Variants in RAB1A observed in about 807,000 individuals in gnomAD.
RAB1A encodes RAB1A, member RAS oncogene family.
In RAB1A, 2 loss-of-function variants were observed where a neutral mutation model predicts 26.0. That is an observed-to-expected ratio of 0.08 (90% CI 0.03 to 0.24). The LOEUF is 0.24. Among genes scored for constraint, RAB1A ranks in the 10% least tolerant of loss-of-function variants. The pLI, the probability that RAB1A is intolerant of heterozygous loss-of-function variation, is 1.00. For missense variants in RAB1A, 100 were observed against 247.0 expected (o/e 0.40, Z 3.99); for synonymous variants, 84 against 84.9 (o/e 0.99, Z 0.06).
intron 2 of RAB1A, among the ~76,000 whole-genome samples, chr2:65,104,252 A>G (rs1202601805): frequency 6.6e-6 from 1 of 151,976 alleles, no homozygotes; most frequent in Admixed American, 6.6e-5. Flanking sequence ...TCAGAGACAG[A>G]GTCATGCTAT....
At chr2:65,109,481 A>G (rs1669644646) in intron 1 of RAB1A, among the ~76,000 whole-genome samples, 1 of 152,056 alleles carries the variant, frequency 6.6e-6, no homozygotes, top group Non-Finnish European at 1.5e-5. Flanking sequence ...AGGTGGGTGG[A>G]TTACCTGAGG....
intron 3 of RAB1A, among the ~76,000 whole-genome samples, chr2:65,093,596 A>C (rs866958033): frequency 2.6e-5 from 4 of 152,052 alleles, no homozygotes; most frequent in African/African-American, 9.7e-5. Flanking sequence ...AGGAAATGAT[A>C]GGATTAAAAG....
At chr2:65,118,267 G>A (rs985957518) in intron 1 of RAB1A, among the ~76,000 whole-genome samples, 18 of 152,032 alleles carry the variant, frequency 1.2e-4, no homozygotes, top group African/African-American at 4.3e-4. Context: ...GCACTATTTT[G>A]CCATGCTATT....
chr2:65,113,091 T>A (rs1364612463), intron 1 of RAB1A, among the ~76,000 whole-genome samples: 3 of 152,064 alleles, frequency 2.0e-5, no homozygotes, highest in Admixed American at 2.0e-4. Flanking sequence ...ATATGTGGAT[T>A]TTTGCTAACA....
At chr2:65,110,794 G>A (rs1011120782) in intron 1 of RAB1A, among the ~76,000 whole-genome samples, 16 of 151,842 alleles carry the variant, frequency 1.1e-4, no homozygotes, top group African/African-American at 3.9e-4. Flanking sequence ...TAATTAGCTG[G>A]GTGTGGTGGT....
At chr2:65,102,431 A>G (rs182888101) in intron 2 of RAB1A, among the ~76,000 whole-genome samples, 19 of 152,204 alleles carry the variant, frequency 1.2e-4, no homozygotes, top group African/African-American at 3.6e-4. Context: ...CAGAAAAGTC[A>G]TATGTATTTA....
chr2:65,106,634 G>A, intron 1 of RAB1A, among the ~76,000 whole-genome samples: 2 of 39,778 alleles, frequency 5.0e-5, no homozygotes, highest in South Asian at 7.3e-4. Context: ...CAGCAAAATA[G>A]AAGTCAGAGA....
Position 65,100,751 on chromosome 2 carries a change from T to TC in RAB1A, c.97-2686dup, listed in dbSNP as rs1669405471. Among the ~76,000 whole-genome samples the TC allele has an allele frequency of 3.4e-5, 4 of 118,406 alleles. No individual in the cohort carries two copies. In the South Asian group the frequency reaches 1.1e-3, roughly 33 times the overall value. 77.7% of individuals were successfully genotyped at this position (118,406 alleles called of 152,430 possible). On this transcript the variant is annotated intron_variant, in intron 2 of 5. Transcript: ENST00000409784. ...TCCAGCCTGGGCGACAGAGCGAGACTCCATCTCAAACCAAAAAAAAAAAAA... is the reference window on the plus strand; with the variant it reads ...TCCAGCCTGGGCGACAGAGCGAGACTCCCATCTCAAACCAAAAAAAAAAAAA...
At chr2:65,109,200 T>G (rs1353524064) in intron 1 of RAB1A, among the ~76,000 whole-genome samples, 1 of 152,158 alleles carries the variant, frequency 6.6e-6, no homozygotes, top group African/African-American at 2.4e-5. Flanking sequence ...CACCACACAG[T>G]AAAAATGTTG....
chr2:65,123,063 T>C (rs1389253515), intron 1 of RAB1A, among the ~76,000 whole-genome samples: 1 of 131,456 alleles, frequency 7.6e-6, no homozygotes, highest in Non-Finnish European at 1.6e-5. Flanking sequence ...AACCATCACA[T>C]AGGTATAGTC....
chr2:65,125,033 T>A (rs542432532), intron 1 of RAB1A, among the ~76,000 whole-genome samples: 1 of 141,568 alleles, frequency 7.1e-6, no homozygotes, highest in South Asian at 2.2e-4. Flanking sequence ...TAAAAATTAT[T>A]TGAAACACAA....
intron 2 of RAB1A, among the ~76,000 whole-genome samples, chr2:65,102,598 TA>T (rs1669455356): frequency 6.6e-6 from 1 of 150,644 alleles, no homozygotes; most frequent in South Asian, 2.1e-4. Context: ...AATTCTGTTC[TA>T]ATCTGTCTGT....
At chr2:65,115,985 A>C (rs188742657) in intron 1 of RAB1A, among the ~76,000 whole-genome samples, 12 of 152,106 alleles carry the variant, frequency 7.9e-5, no homozygotes, top group Non-Finnish European at 1.8e-4. Context: ...GTAAAACCCT[A>C]TCTCTACTAA....
rs67617654 is a variant in RAB1A, at chr2:65,120,455, CAAAAAAA to C, written c.23+9431_23+9437del. Among the ~76,000 whole-genome samples the C allele has an allele frequency of 2.3e-4, 13 of 56,652 alleles. 1 individual carries two copies. The highest frequency in any genetic ancestry group is 4.5e-4 in the Non-Finnish European group (12 of 26,610). 37.2% of individuals were successfully genotyped at this position (56,652 alleles called of 152,430 possible). On this transcript the variant is annotated intron_variant, in intron 1 of 5. Transcript: ENST00000409784. ...TGGGGGACAAAGCGACACCTTGTCT[CAAAAAAA>C]AAAAAAAAAAAAAAAAAACTCAAAT... is the stretch of plus-strand genomic sequence containing the variant.
At chr2:65,116,665 C>T (rs895470885) in intron 1 of RAB1A, among the ~76,000 whole-genome samples, 3 of 152,202 alleles carry the variant, frequency 2.0e-5, no homozygotes, top group Non-Finnish European at 4.4e-5. Context: ...ACAAAAACTT[C>T]AAAATTATTT....
At chr2:65,105,517 A>T (rs1669534680) in intron 1 of RAB1A, 1 of 140,404 alleles carries the variant, frequency 7.1e-6, no homozygotes, top group African/African-American at 2.7e-5. Context: ...GTCTCAAAAA[A>T]AAAAAAAAAA....
In RAB1A at chr2:65,127,110, G is replaced by GA. The variant is rs369174755; in HGVS notation, c.23+2782dup. ...CCAGATACCCATGTATTTGATCCCA[G>GA]AAAAAATATAAAAACTGTTTCTGGG... On this transcript the variant is annotated intron_variant, in intron 1 of 5. Transcript: ENST00000409784. Among the ~76,000 whole-genome samples, 377 of 152,212 alleles carry GA rather than the reference G, an allele frequency of 2.5e-3. 7 individuals are homozygous for GA. Among genetic ancestry groups the GA allele is most frequent in the African/African-American group, 8.8e-3 (364 of 41,540 alleles).
intron 1 of RAB1A, among the ~76,000 whole-genome samples, chr2:65,105,168 C>A (rs1669524399): frequency 6.6e-6 from 1 of 152,140 alleles, no homozygotes; most frequent in Admixed American, 6.6e-5. Flanking sequence ...AGAAAGGTAA[C>A]TTTTCATTGT....
chr2:65,093,164 C>T (rs540739812), intron 3 of RAB1A, among the ~76,000 whole-genome samples: 4 of 152,308 alleles, frequency 2.6e-5, no homozygotes, highest in African/African-American at 9.6e-5. Flanking sequence ...CCTTGCTACT[C>T]TGAAAACTTT....
Sources: gnomAD v4.1 joint callset for allele counts (sites outside exome capture counted in the v4.1 genomes callset) on GRCh38, gnomAD v4.1.1 for gene constraint, MANE v1.5 for transcripts, NCBI Gene and HGNC (gene_info 2026-07-23, HGNC 2026-07-21) for gene names.